Variants in MALRD1 observed in about 807,000 individuals in gnomAD.
MALRD1 encodes the protein MAM and LDL-receptor class A domain-containing protein 1.
In MALRD1, 247 loss-of-function variants were observed where a neutral mutation model predicts 242.1. The ratio of observed to expected loss-of-function variants is 1.02; its 90% confidence interval spans 0.92 to 1.13. MALRD1 has a LOEUF of 1.13. Ranked by LOEUF, MALRD1 falls within the 50% of genes most tolerant of loss-of-function variation. The pLI, the probability that MALRD1 is intolerant of heterozygous loss-of-function variation, is 0.00. For missense variants in MALRD1, 2,989 were observed against 2,533.1 expected, an observed-to-expected ratio of 1.18 and a Z score of -3.86; for synonymous variants, 995 against 866.6, an observed-to-expected ratio of 1.15 and a Z score of -2.60.
chr10:19,256,358 T>G (rs772987078), intron 18 of MALRD1, among the ~76,000 whole-genome samples: 13 of 152,130 alleles, frequency 8.5e-5, no homozygotes, highest in Non-Finnish European at 2.9e-5. Flanking sequence ...TTTCAAATTC[T>G]GTCTGCTAGT....
In MALRD1 at chr10:19,541,074, A is replaced by G. The variant is rs146784835; in HGVS notation, c.5478+9723A>G. On this transcript the variant is annotated intron_variant, in intron 32 of 39. Coordinates refer to ENST00000454679, the MANE Select transcript of MALRD1 (RefSeq NM_001142308.3). Reference sequence around the variant, plus strand: ...TTATTGTATTTCTTTTATTATTGACATTGTAAAAATGCAATCTTATTATGA... The same window carrying G: ...TTATTGTATTTCTTTTATTATTGACGTTGTAAAAATGCAATCTTATTATGA... 3.3e-3 allele frequency among the ~76,000 whole-genome samples: 508 copies of G among 152,336 alleles called. 2 individuals carry two copies. Among genetic ancestry groups the G allele is most frequent in the African/African-American group, 0.012 (485 of 41,584 alleles).
chr10:19,380,740 T>C (rs2130783559), intron 26 of MALRD1, among the ~76,000 whole-genome samples: 1 of 152,294 alleles, frequency 6.6e-6, no homozygotes, highest in East Asian at 1.9e-4. Flanking sequence ...GGTTCGTTGT[T>C]ATGCCACATT....
chr10:19,429,366 T>C (rs1265277695), intron 28 of MALRD1, among the ~76,000 whole-genome samples: 1 of 151,980 alleles, frequency 6.6e-6, no homozygotes. Flanking sequence ...GGTCAGGAGT[T>C]TAAGACCAGC....
chr10:19,284,536 A>T (rs1841011432), intron 21 of MALRD1, among the ~76,000 whole-genome samples: 2 of 151,090 alleles, frequency 1.3e-5, no homozygotes, highest in South Asian at 4.2e-4. Context: ...TTTACTGAGA[A>T]TGATGGTTTC....
intron 1 of MALRD1, among the ~76,000 whole-genome samples, chr10:19,065,154 G>A (rs946068038): frequency 6.6e-6 from 1 of 151,800 alleles, no homozygotes; most frequent in African/African-American, 2.4e-5. Context: ...AGGCATGTTG[G>A]TGCATGCCTG....
chr10:19,428,699 A>G (rs908336706), intron 28 of MALRD1, among the ~76,000 whole-genome samples: 4 of 152,144 alleles, frequency 2.6e-5, no homozygotes. Context: ...TGAAAAAAAA[A>G]TCAGGTAATA....
intron 14 of MALRD1, among the ~76,000 whole-genome samples, chr10:19,188,382 A>C (rs554555346): frequency 5.6e-4 from 86 of 152,264 alleles, no homozygotes; most frequent in Middle Eastern, 3.4e-3. Flanking sequence ...TTTTCTTTTG[A>C]TTGGATGTTT....
At chr10:19,349,580 T>C (rs546504616) in intron 25 of MALRD1, among the ~76,000 whole-genome samples, 1 of 152,282 alleles carries the variant, frequency 6.6e-6, no homozygotes, top group African/African-American at 2.4e-5. Context: ...TGGCAAAAAT[T>C]GAGTTTTTAT....
At chr10:19,590,070 G>T (rs1404610059) in intron 33 of MALRD1, among the ~76,000 whole-genome samples, 4 of 152,184 alleles carry the variant, frequency 2.6e-5, no homozygotes, top group African/African-American at 9.6e-5. Flanking sequence ...GGCATAGTAA[G>T]AAATGGACCA....
intron 36 of MALRD1, among the ~76,000 whole-genome samples, chr10:19,667,667 C>T (rs1000299498): frequency 3.9e-5 from 6 of 152,016 alleles, no homozygotes; most frequent in African/African-American, 1.4e-4. Context: ...TGCGGGCTTC[C>T]CCTTTGCTTT....
At position 19,453,871 on chromosome 10, in the gene MALRD1, C is replaced by T. The variant is rs568734738; in HGVS notation, c.5029+3381C>T. 1.1e-4 allele frequency among the ~76,000 whole-genome samples: 16 copies of T among 141,600 alleles called. No individual in the cohort carries two copies. The East Asian group carries it at 3.2e-3, about 28-fold the overall frequency. The allele number at this position is 141,600 out of a possible 152,430, so 92.9% of individuals were successfully genotyped here. ...CAGCTAGGGTGATGGAGCAAGACTC[C>T]GTCTGAAAAAAAAAAAAATTGAAAA... is the stretch of plus-strand genomic sequence containing the variant. On this transcript the variant is annotated intron_variant, in intron 29 of 39. Coordinates refer to ENST00000454679, the MANE Select transcript of MALRD1 (RefSeq NM_001142308.3).
intron 26 of MALRD1, among the ~76,000 whole-genome samples, chr10:19,381,360 C>T (rs1184107677): frequency 2.0e-5 from 3 of 151,686 alleles, no homozygotes; most frequent in Non-Finnish European, 4.4e-5. Flanking sequence ...AATAATGCCG[C>T]AATAAACATA....
At chr10:19,240,362 T>G (rs1838704354) in intron 18 of MALRD1, among the ~76,000 whole-genome samples, 1 of 152,054 alleles carries the variant, frequency 6.6e-6, no homozygotes, top group South Asian at 2.1e-4. Flanking sequence ...AATTTATTTA[T>G]TATTTCTAGT....
chr10:19,537,308 G>C (rs981440502), intron 32 of MALRD1, among the ~76,000 whole-genome samples: 1 of 152,052 alleles, frequency 6.6e-6, no homozygotes. Flanking sequence ...AATGAAACTT[G>C]ATATCTTAGT....
At chr10:19,395,588 G>T (rs946283788) in intron 28 of MALRD1, among the ~76,000 whole-genome samples, 7 of 152,244 alleles carry the variant, frequency 4.6e-5, no homozygotes, top group African/African-American at 1.7e-4. Flanking sequence ...GCAGTTCCCA[G>T]CTTGACTTTT....
chr10:19,225,583 T>C (rs1192806413), intron 18 of MALRD1, among the ~76,000 whole-genome samples: 1 of 152,168 alleles, frequency 6.6e-6, no homozygotes, highest in Admixed American at 6.6e-5. Flanking sequence ...GTGACCGAAG[T>C]ATCATCAGTA....
intron 21 of MALRD1, among the ~76,000 whole-genome samples, chr10:19,291,646 G>A (rs1841433187): frequency 6.6e-6 from 1 of 151,962 alleles, no homozygotes; most frequent in Admixed American, 6.6e-5. Flanking sequence ...GGCAAGAAGT[G>A]GGGAAGATAT....
chr10:19,120,680 G>C (rs1423162603), intron 5 of MALRD1, among the ~76,000 whole-genome samples: 1 of 152,136 alleles, frequency 6.6e-6, no homozygotes, highest in African/African-American at 2.4e-5. Context: ...AAAATGTCTT[G>C]GAATTAGGTA....
At chr10:19,505,112 G>A (rs1435593595) in intron 31 of MALRD1, among the ~76,000 whole-genome samples, 1 of 152,120 alleles carries the variant, frequency 6.6e-6, no homozygotes, top group Non-Finnish European at 1.5e-5. Flanking sequence ...GGAGGAAGAG[G>A]GAGAGGTAGA....
Sources: allele counts gnomAD v4.1 joint callset (sites outside exome capture counted in the v4.1 genomes callset), GRCh38; gene constraint gnomAD v4.1.1; transcripts MANE v1.5; gene names NCBI Gene and HGNC (gene_info 2026-07-23, HGNC 2026-07-21).